LRRFIP1: variants seen among roughly 807,000 people sequenced by gnomAD.
LRRFIP1 encodes LRR binding FLII interacting protein 1, also known as leucine-rich repeat flightless-interacting protein 1.
Under a neutral mutation model 104.4 loss-of-function variants are expected in LRRFIP1, and 62 were observed. The observed-to-expected ratio is 0.59, with a 90% CI of 0.48 to 0.73. The LOEUF (loss-of-function observed/expected upper bound fraction) is 0.73, where lower values mean the gene tolerates loss of function less well. LRRFIP1 is among the 30% of genes least tolerant of loss of function. The pLI, the probability that LRRFIP1 is intolerant of heterozygous loss-of-function variation, is 0.00. For synonymous variants in LRRFIP1, 300 were observed against 299.0 expected (o/e 1.00, Z -0.03); for missense variants, 796 against 824.5 (o/e 0.97, Z 0.42).
chr2:237,680,690 A>G (rs977908699), intron 1 of LRRFIP1, among the ~76,000 whole-genome samples: 1 of 152,226 alleles, frequency 6.6e-6, no homozygotes, highest in Non-Finnish European at 1.5e-5. Flanking sequence ...AAGCTTAACA[A>G]ATAGACTCTA....
chr2:237,697,806 C>G (rs560735753), intron 1 of LRRFIP1, among the ~76,000 whole-genome samples: 20 of 152,146 alleles, frequency 1.3e-4, no homozygotes, highest in Non-Finnish European at 2.9e-5. Context: ...ACAGGGGAGG[C>G]CCAGCCGCCC....
intron 19 of LRRFIP1, chr2:237,765,825 G>A (rs1369079757): frequency 1.0e-6 from 1 of 969,636 alleles, no homozygotes; most frequent in African/African-American, 1.8e-5. Context: ...TTACAAGATA[G>A]AATTGAATGC....
rs763931068 is a variant in LRRFIP1, at chr2:237,748,410, G to A, written c.669+11G>A. 15 of 1,598,878 alleles carry A rather than the reference G, an allele frequency of 9.4e-6. No individual in the cohort carries two copies. Among genetic ancestry groups the A allele is most frequent in the Middle Eastern group, 1.7e-4 (1 of 6,032 alleles). ...GATTTTACTGAGAAGGTAAGGAATC[G>A]TTCATAAACCTAGAGGGTCCCAAAA... On this transcript the variant is annotated intron_variant, in intron 12 of 23. Transcript: ENST00000308482.
intron 12 of LRRFIP1, among the ~76,000 whole-genome samples, chr2:237,748,687 C>T (rs1358723499): frequency 2.0e-5 from 3 of 152,040 alleles, no homozygotes. Flanking sequence ...GGAAATGATC[C>T]CCTCCTTACA....
At chr2:237,751,058 ATTTT>A in intron 13 of LRRFIP1, 138 bp from the exon 14 acceptor site, 1 of 586,918 alleles carries the variant, frequency 1.7e-6, no homozygotes. Flanking sequence ...ATTGAAGTTT[ATTTT>A]CCCTTAACGC....
intron 11 of LRRFIP1, among the ~76,000 whole-genome samples, chr2:237,744,606 T>G (rs1461374334): frequency 6.6e-6 from 1 of 152,256 alleles, no homozygotes; most frequent in Non-Finnish European, 1.5e-5. Context: ...AAAGGAAACT[T>G]GACGTAAACT....
chr2:237,669,247 C>T (rs1174017781), intron 1 of LRRFIP1, among the ~76,000 whole-genome samples: 2 of 152,196 alleles, frequency 1.3e-5, no homozygotes, highest in South Asian at 2.1e-4. Flanking sequence ...CAATTTAAAC[C>T]CCAAACCTAC....
At chr2:237,657,345 C>A (rs937613572) in intron 1 of LRRFIP1, among the ~76,000 whole-genome samples, 1 of 152,176 alleles carries the variant, frequency 6.6e-6, no homozygotes, top group Non-Finnish European at 1.5e-5. Context: ...AATATTTTCA[C>A]ATATGAATTA....
chr2:237,641,135 G>A (rs2083897416), intron 1 of LRRFIP1, among the ~76,000 whole-genome samples: 1 of 151,894 alleles, frequency 6.6e-6, no homozygotes, highest in African/African-American at 2.4e-5. Context: ...CAGCACTTTG[G>A]GAGGCTGAGG....
chr2:237,655,236 G>A (rs560425427), intron 1 of LRRFIP1, among the ~76,000 whole-genome samples: 3 of 143,662 alleles, frequency 2.1e-5, no homozygotes, highest in Admixed American at 7.1e-5. Flanking sequence ...TCAGCCTCCC[G>A]AGTAGCTGGG....
chr2:237,731,621 G>A (rs1336441763), intron 8 of LRRFIP1, among the ~76,000 whole-genome samples: 1 of 152,114 alleles, frequency 6.6e-6, no homozygotes, highest in Non-Finnish European at 1.5e-5. Context: ...GTTGCAGAGG[G>A]CACTTAGTCA....
At chr2:237,701,414 A>G (rs537778351) in intron 1 of LRRFIP1, among the ~76,000 whole-genome samples, 18 of 152,348 alleles carry the variant, frequency 1.2e-4, no homozygotes, top group African/African-American at 4.1e-4. Context: ...CCATGCGAGG[A>G]TGGAAGCACA....
At chr2:237,669,401 C>T (rs1460455857) in intron 1 of LRRFIP1, among the ~76,000 whole-genome samples, 2 of 152,224 alleles carry the variant, frequency 1.3e-5, no homozygotes, top group Non-Finnish European at 2.9e-5. Flanking sequence ...CAGCTAAAAA[C>T]TGGCAGCTAA....
rs2150336784 is a variant in LRRFIP1 at position 237,732,040 on chromosome 2, C to T, written c.445-1734C>T. On this transcript the variant is annotated intron_variant, in intron 8 of 23. Transcript: ENST00000308482. ...TAGTATTGATGACTCTTCCTAATAT[C>T]AATTAAAATTTATTTCAATATTTAA... 3.9e-5 allele frequency among the ~76,000 whole-genome samples: 6 copies of T among 152,240 alleles called. 1 individual carries two copies. In the Middle Eastern group the frequency reaches 0.02, roughly 518 times the overall value.
chr2:237,702,691 A>G (rs1039644643), intron 1 of LRRFIP1, among the ~76,000 whole-genome samples: 2 of 152,036 alleles, frequency 1.3e-5, no homozygotes, highest in Middle Eastern at 3.2e-3. Context: ...GCTCTTTGTT[A>G]TGAAACAGCA....
chr2:237,627,630 C>T lies in LRRFIP1; in HGVS notation c.-15C>T, dbSNP rs1241218839. ...GGAGCAACGGGCCCCGCGGCAGCTG[C>T]GGGCGACGCGGTCGATGGACATGGG... On this transcript the variant is annotated 5_prime_UTR_variant, in exon 1 of 24. Transcript: ENST00000308482. 3 of 1,294,936 alleles carry T rather than the reference C, an allele frequency of 2.3e-6. No individual in the cohort carries two copies. The highest frequency in any genetic ancestry group is 1.9e-5 in the South Asian group (1 of 53,228). The allele number at this position is 1,294,936 out of a possible 1,614,324, so 80.2% of individuals were successfully genotyped here.
intron 1 of LRRFIP1, among the ~76,000 whole-genome samples, chr2:237,647,729 T>G: frequency 9.1e-6 from 1 of 110,478 alleles, no homozygotes; most frequent in African/African-American, 3.1e-5. Context: ...TGCAGGCAGG[T>G]GGAGGGAGCA....
At chr2:237,773,410 C>T (rs1177532448) in intron 22 of LRRFIP1, among the ~76,000 whole-genome samples, 8 of 152,024 alleles carry the variant, frequency 5.3e-5, no homozygotes, top group South Asian at 2.1e-4. Flanking sequence ...TGGTGGCAGG[C>T]GCCTGTAATC....
In LRRFIP1 at chr2:237,694,871, C is replaced by T. The variant is rs1341366620; in HGVS notation, c.97-13673C>T. 3.9e-5 allele frequency among the ~76,000 whole-genome samples: 6 copies of T among 152,216 alleles called. No homozygotes were observed. In the East Asian group the frequency reaches 1.2e-3, roughly 29 times the overall value. On this transcript the variant is annotated intron_variant, in intron 1 of 23. Transcript: ENST00000308482. Reference sequence around the variant, plus strand: ...GGCTTGTGTCACCCCGCTCTCTTTCCACATACTGATTAGCATTCAGCCCTT... The same window carrying T: ...GGCTTGTGTCACCCCGCTCTCTTTCTACATACTGATTAGCATTCAGCCCTT...
Sources: gnomAD v4.1 joint callset for allele counts (sites outside exome capture counted in the v4.1 genomes callset) on GRCh38, gnomAD v4.1.1 for gene constraint, MANE v1.5 for transcripts, NCBI Gene and HGNC (gene_info 2026-07-23, HGNC 2026-07-21) for gene names.